The following LCT variants were observed in gnomAD, a reference collection of about 807,000 sequenced individuals.
LCT encodes the protein lactase/phlorizin hydrolase.
Under a neutral mutation model 173.0 loss-of-function variants are expected in LCT, and 90 were observed. The ratio of observed to expected loss-of-function variants is 0.52; its 90% CI spans 0.44 to 0.62. The LOEUF is 0.62. Ranked by LOEUF, LCT falls within the 20% of genes least tolerant of loss-of-function variation. The pLI is 0.00. For missense variants in LCT, 1,864 were observed against 2,431.4 expected (o/e 0.77, Z 4.91); for synonymous variants, 853 against 957.6 (o/e 0.89, Z 2.02).
chr2:135,804,126 C>A lies in LCT; in HGVS notation c.4467G>T (p.Val1489=). The A allele has an allele frequency of 6.2e-7, 1 of 1,613,296 alleles. No individual in the cohort carries two copies. The highest frequency in any genetic ancestry group is 8.5e-7 in the Non-Finnish European group (1 of 1,179,794). The change falls in exon 11 of 17, where the codon GTG becomes GTT. Residue 1489 remains valine, a splice_region_variant and synonymous_variant. Coordinates refer to ENST00000264162, the MANE Select transcript of LCT (RefSeq NM_002299.4). ...TLLAASIQPQ[V]TIYHWDLPQT... ...GTGGTAGGTCCCAGTGGTAAATGGT[C>A]ACCTGGGAAGAAGCCAGATCAGCTG... is the stretch of plus-strand genomic sequence containing the variant.
In LCT at chr2:135,800,723, C is replaced by T. The variant is rs145888066; in HGVS notation, c.4750G>A (p.Asp1584Asn). ...CCACCTTGACTGGCGCGGTACACATCGTTGTACAGATGCCAGGCCTCAGCA... is the reference window on the plus strand; with the variant it reads ...CCACCTTGACTGGCGCGGTACACATTGTTGTACAGATGCCAGGCCTCAGCA... The part of the protein sequence containing the change: ...AHAEAWHLYN[D>N]VYRASQGGVI... The change falls in exon 12 of 17, where the codon GAT (aspartate) becomes AAT (asparagine). Residue 1584 changes from aspartate to asparagine, a missense_variant. By Grantham distance (23) the Asp-to-Asn change is conservative. Coordinates refer to ENST00000264162, the MANE Select transcript of LCT (RefSeq NM_002299.4). 1.0e-4 allele frequency: 166 copies of T among 1,614,088 alleles called. No individual in the cohort carries two copies. In the African/African-American group the frequency reaches 1.8e-3, roughly 18 times the overall value.
chr2:135,833,310 A>C (rs2077954640), intron 1 of LCT, 120 bp from the exon 2 acceptor site: 2 of 793,260 alleles, frequency 2.5e-6, no homozygotes, highest in East Asian at 4.9e-5. Context: ...ACTTTACTCT[A>C]GCTGAAAGAT....
intron 13 of LCT, among the ~76,000 whole-genome samples, chr2:135,795,855 G>T (rs2077577879): frequency 6.6e-6 from 1 of 151,656 alleles, no homozygotes; most frequent in South Asian, 2.1e-4. Flanking sequence ...CAGTCTCCTG[G>T]GCTCAAGCAA....
intron 15 of LCT, 27 bp from the exon 16 acceptor site, chr2:135,789,825 A>G (rs1559547495): frequency 3.2e-6 from 5 of 1,586,814 alleles, no homozygotes; most frequent in Non-Finnish European, 4.3e-6. Context: ...GACTAGGCAT[A>G]AGTTTCCTAT....
rs762651784 is a variant in LCT at position 135,809,826 on chromosome 2, T to C, written c.2521A>G (p.Ile841Val). ...PRKSAYFFTS[I>V]IEKNGFLTKG... Reference sequence around the variant, plus strand: ...GTGAGGAAACCGTTCTTTTCTATGATGCTAGTGAAAAAGTAGGCAGATTTC... The same window carrying C: ...GTGAGGAAACCGTTCTTTTCTATGACGCTAGTGAAAAAGTAGGCAGATTTC... The change falls in exon 8 of 17, where the codon ATC (isoleucine) becomes GTC (valine). Residue 841 changes from isoleucine (I) to valine (V), a missense_variant. Coordinates refer to ENST00000264162, the MANE Select transcript of LCT (RefSeq NM_002299.4). The surrounding 1 kb of genome is among the most constrained non-coding windows in gnomAD (Gnocchi z 5.5). 19 of 1,614,024 alleles carry C rather than the reference T, an allele frequency of 1.2e-5. No individual in the cohort carries two copies. Among genetic ancestry groups the C allele is most frequent in the African/African-American group, 5.3e-5 (4 of 74,906 alleles).
chr2:135,817,801 G>C lies in LCT; in HGVS notation c.1247C>G (p.Pro416Arg), dbSNP rs2077793378. 1.2e-6 allele frequency: 2 copies of C among 1,613,896 alleles called. No homozygotes were observed. The highest frequency in any genetic ancestry group is 3.3e-5 in the Admixed American group (2 of 60,000). ...RGVSIWDPRR[P>R]LNTTEGQATL... ...CGCTTGGCCCTCAGTGGTGTTCAGG[G>C]GCCTGCGTGGATCCCAGATGCTCAC... Residue 416 changes from proline (P) to arginine (R), a missense_variant, in exon 6 of 17, where the codon CCC (proline) becomes CGC (arginine). By Grantham distance (103) the Pro-to-Arg change is moderately radical. Coordinates refer to ENST00000264162, the MANE Select transcript of LCT (RefSeq NM_002299.4).
At position 135,798,063 on chromosome 2, in the gene LCT, C is replaced by G. The variant is rs772515068; in HGVS notation, c.4942G>C (p.Asp1648His). ...TTGAGGCCTGCAGCCAAGCTCCTGT[C>G]ACGGATCCGCGTCTTCATCACCTCA... ...YNEVMKTRIRDRSLAAGLNKS... is the reference protein window; with the variant it reads ...YNEVMKTRIRHRSLAAGLNKS... The change falls in exon 13 of 17, where the codon GAC becomes CAC. Residue 1648 changes from aspartate to histidine, a missense_variant. Transcript: ENST00000264162. 8.7e-6 allele frequency: 14 copies of G among 1,612,796 alleles called. No homozygotes were observed. The highest frequency in any genetic ancestry group is 8.3e-5 in the Admixed American group (5 of 60,006).
At chr2:135,792,814 T>TA (rs779641246) in intron 14 of LCT, among the ~76,000 whole-genome samples, 62 of 152,296 alleles carry the variant, frequency 4.1e-4, no homozygotes, top group Admixed American at 1.4e-3. Context: ...CCTTTGCTGG[T>TA]AGCTGAAGAC....
chr2:135,825,411 G>A (rs1054108306), intron 3 of LCT, among the ~76,000 whole-genome samples: 9 of 152,170 alleles, frequency 5.9e-5, no homozygotes, highest in African/African-American at 2.2e-4. Flanking sequence ...CAATGCAGTG[G>A]GGACAAATGA....
chr2:135,794,616 C>T, intron 14 of LCT, 25 bp downstream of exon 14: 2 of 1,613,066 alleles, frequency 1.2e-6, no homozygotes, highest in Non-Finnish European at 1.7e-6. Context: ...AGAGATGGCT[C>T]CGGGCTCCCT....
rs55900419 is a variant in LCT at position 135,835,482 on chromosome 2, GTATATATATATATATATATA to G, written c.640+1028_640+1047del. Among the ~76,000 whole-genome samples, 673 of 67,966 alleles carry G rather than the reference GTATATATATATATATATATA, an allele frequency of 9.9e-3. 15 individuals are homozygous for G. Among genetic ancestry groups the G allele is most frequent in the Middle Eastern group, 0.067 (12 of 178 alleles). 44.6% of individuals were successfully genotyped at this position (67,966 alleles called of 152,430 possible). On this transcript the variant is annotated intron_variant, in intron 1 of 16. Transcript: ENST00000264162. ...TAAAATGAAAAAGTAGAACATAGAA[GTATATATATATATATATATA>G]TATATATATATATATATATATATAT...
chr2:135,789,166 T>C (rs1414392409), intron 16 of LCT, among the ~76,000 whole-genome samples: 2 of 152,268 alleles, frequency 1.3e-5, no homozygotes, highest in South Asian at 2.1e-4. Context: ...TACATTTGTG[T>C]AGTGATTTAT....
At chr2:135,810,841 A>G (rs1284593411) in intron 7 of LCT, among the ~76,000 whole-genome samples, 1 of 151,838 alleles carries the variant, frequency 6.6e-6, no homozygotes, top group Non-Finnish European at 1.5e-5. Flanking sequence ...CCTGGCTAAC[A>G]TGGTGAAAAC....
intron 5 of LCT, chr2:135,821,802 C>T (rs370245306): frequency 4.2e-5 from 23 of 553,936 alleles, no homozygotes; most frequent in African/African-American, 1.3e-4. Flanking sequence ...CACAGTTGGG[C>T]GAACTGACAG....
intron 1 of LCT, among the ~76,000 whole-genome samples, chr2:135,834,511 G>A (rs1262901506): frequency 1.4e-5 from 2 of 147,084 alleles, no homozygotes; most frequent in Admixed American, 6.7e-5. Flanking sequence ...TTTAAGGCCG[G>A]GCGTGGTGGC....
chr2:135,817,840 T>G lies in LCT; in HGVS notation c.1208A>C (p.Glu403Ala). 1 of 1,613,964 alleles carries G rather than the reference T, an allele frequency of 6.2e-7. No individual in the cohort carries two copies. Among genetic ancestry groups the G allele is most frequent in the Non-Finnish European group, 8.5e-7 (1 of 1,180,010 alleles). The change falls in exon 6 of 17, where the codon GAG (glutamate) becomes GCG (alanine). Residue 403 changes from glutamate to alanine, a missense_variant. Glu to Ala is a moderately radical substitution (Grantham distance 107, BLOSUM62 -1). Coordinates refer to ENST00000264162, the MANE Select transcript of LCT (RefSeq NM_002299.4). ...CCAGATGCTCACCCCTCTCCCACCCTCGGCCCAGCCTCCTTCCACGTTAAA... is the reference window on the plus strand; with the variant it reads ...CCAGATGCTCACCCCTCTCCCACCCGCGGCCCAGCCTCCTTCCACGTTAAA... ...GAFNVEGGWAEGGRGVSIWDP... is the reference protein window; with the variant it reads ...GAFNVEGGWAAGGRGVSIWDP...
At chr2:135,801,111 G>T (rs1216227446) in intron 11 of LCT, among the ~76,000 whole-genome samples, 1 of 152,170 alleles carries the variant, frequency 6.6e-6, no homozygotes, top group Admixed American at 6.5e-5. Context: ...AAGAGGGAAG[G>T]CCACTTGATA....
chr2:135,789,272 T>C (rs2077515911), intron 16 of LCT, among the ~76,000 whole-genome samples: 1 of 152,230 alleles, frequency 6.6e-6, no homozygotes, highest in African/African-American at 2.4e-5. Flanking sequence ...CTGAAGCATG[T>C]GCCTGGTTTC....
chr2:135,805,079 C>T (rs1360529017), intron 9 of LCT, 22 bp from the exon 10 acceptor site: 1 of 1,612,684 alleles, frequency 6.2e-7, no homozygotes, highest in Non-Finnish European at 8.5e-7. Context: ...AAGACATGGT[C>T]TTATTAAGTC....
Sources: allele counts gnomAD v4.1 joint callset (sites outside exome capture counted in the v4.1 genomes callset), GRCh38; gene constraint gnomAD v4.1.1; non-coding constraint Gnocchi (gnomAD v3.1); transcripts MANE v1.5; gene names NCBI Gene and HGNC (gene_info 2026-07-23, HGNC 2026-07-21).